Variants in NPR3 observed in about 807,000 individuals in gnomAD.
NPR3 encodes natriuretic peptide receptor 3.
Under a neutral mutation model 54.5 loss-of-function variants are expected in NPR3, and 34 were observed. That is an observed-to-expected ratio of 0.62 (90% CI 0.47 to 0.83). The LOEUF is 0.83. Ranked by LOEUF, NPR3 falls within the 40% of genes least tolerant of loss-of-function variation. The pLI is 0.00. For synonymous variants in NPR3, 289 were observed against 297.1 expected, an observed-to-expected ratio of 0.97 and a Z score of 0.28; for missense variants, 674 against 720.8, an observed-to-expected ratio of 0.94 and a Z score of 0.74.
chr5:32,739,519 T>G (rs1259673639), intron 3 of NPR3, among the ~76,000 whole-genome samples: 3 of 152,192 alleles, frequency 2.0e-5, no homozygotes, highest in East Asian at 1.9e-4. Flanking sequence ...GTGGATGGTG[T>G]TGTTGCCTCT....
At chr5:32,781,963 C>T (rs1054328373) in intron 5 of NPR3, among the ~76,000 whole-genome samples, 6 of 152,144 alleles carry the variant, frequency 3.9e-5, no homozygotes, top group Middle Eastern at 3.2e-3. Context: ...GAGAGCCATG[C>T]GCTTGTTTTC....
chr5:32,756,319 A>C (rs1260298105), intron 3 of NPR3, among the ~76,000 whole-genome samples: 3 of 152,058 alleles, frequency 2.0e-5, no homozygotes, highest in Non-Finnish European at 2.9e-5. Flanking sequence ...ATGGTATCTC[A>C]TTGTGGTTTT....
At chr5:32,738,479 C>G (rs1231680884) in intron 2 of NPR3, among the ~76,000 whole-genome samples, 1 of 152,158 alleles carries the variant, frequency 6.6e-6, no homozygotes, top group Non-Finnish European at 1.5e-5. Flanking sequence ...ACACTAGCCA[C>G]TTGATTCACC....
At position 32,790,290 on chromosome 5, in the gene NPR3, C is replaced by G. The variant is rs1238830221; in HGVS notation, c.*3945C>G. The G allele has an allele frequency of 6.3e-6, 1 of 157,962 alleles. No individual in the cohort carries two copies. The highest frequency in any genetic ancestry group is 1.4e-5 in the Non-Finnish European group (1 of 69,910). 9.8% of individuals were successfully genotyped at this position (157,962 alleles called of 1,614,324 possible). On this transcript the variant is annotated 3_prime_UTR_variant, in exon 8 of 8. Coordinates refer to ENST00000265074, the MANE Select transcript of NPR3 (RefSeq NM_001204375.2). Reference sequence around the variant, plus strand: ...CAAGAAGAATCAGAAGCTTGATCCTCTAACAGAAATAGAAGAGGGTAGCTT... The same window carrying G: ...CAAGAAGAATCAGAAGCTTGATCCTGTAACAGAAATAGAAGAGGGTAGCTT...
At chr5:32,735,040 G>T (rs1232226392) in intron 2 of NPR3, among the ~76,000 whole-genome samples, 4 of 152,046 alleles carry the variant, frequency 2.6e-5, no homozygotes, top group Non-Finnish European at 5.9e-5. Context: ...TTTCTGCACT[G>T]TATTTCATGT....
intron 1 of NPR3, 145 bp downstream of exon 1, chr5:32,712,690 G>A: frequency 2.7e-6 from 2 of 736,434 alleles, no homozygotes; most frequent in African/African-American, 1.8e-5. Flanking sequence ...GGTATGCGCC[G>A]TGTGGCTGCG....
upstream of NPR3, chr5:32,710,859 G>GGTTTTTTTTTTTTTTTTT: frequency 1.0e-6 from 1 of 976,160 alleles, no homozygotes; most frequent in Non-Finnish European, 1.4e-6. Context: ...CCCAGTCCTG[G>GGTTTTTTTTTTTTTTTTT]TTTTTTTTTT....
At chr5:32,739,288 A>C (rs1423803628) in intron 3 of NPR3, among the ~76,000 whole-genome samples, 1 of 151,918 alleles carries the variant, frequency 6.6e-6, no homozygotes. Flanking sequence ...CAGGAAGGAC[A>C]GACAATTGCT....
intron 1 of NPR3, among the ~76,000 whole-genome samples, chr5:32,693,560 T>A (rs766069904): frequency 5.3e-5 from 8 of 152,234 alleles, no homozygotes; most frequent in Non-Finnish European, 8.8e-5. Flanking sequence ...TTTTTGAAAT[T>A]TGGTATATTT....
At chr5:32,713,852 A>G (rs1260693685) in intron 1 of NPR3, among the ~76,000 whole-genome samples, 1 of 152,262 alleles carries the variant, frequency 6.6e-6, no homozygotes, top group Non-Finnish European at 1.5e-5. Context: ...GGTGTTTGAC[A>G]GTGGGAATGC....
intron 3 of NPR3, among the ~76,000 whole-genome samples, chr5:32,758,150 T>C (rs1740949847): frequency 6.6e-6 from 1 of 152,198 alleles, no homozygotes; most frequent in African/African-American, 2.4e-5. Context: ...TCTTTTTCTA[T>C]TGATTGGAAT....
intron 3 of NPR3, among the ~76,000 whole-genome samples, chr5:32,752,274 A>G (rs981524234): frequency 2.0e-5 from 3 of 152,154 alleles, no homozygotes; most frequent in Non-Finnish European, 4.4e-5. Context: ...GGATTTTGAT[A>G]CTAGTTTTGC....
At chr5:32,699,004 T>C (rs1295979404) in intron 1 of NPR3, among the ~76,000 whole-genome samples, 1 of 152,148 alleles carries the variant, frequency 6.6e-6, no homozygotes, top group Non-Finnish European at 1.5e-5. Context: ...ACTTAACTCC[T>C]GCCAGTTTGT....
At chr5:32,760,203 T>C (rs545535801) in intron 3 of NPR3, among the ~76,000 whole-genome samples, 16 of 152,120 alleles carry the variant, frequency 1.1e-4, no homozygotes, top group Non-Finnish European at 1.6e-4. Context: ...TGCGGACCCA[T>C]GCTTTCATTT....
chr5:32,693,145 T>G (rs1000999418), intron 1 of NPR3, among the ~76,000 whole-genome samples: 1 of 152,080 alleles, frequency 6.6e-6, no homozygotes, highest in African/African-American at 2.4e-5. Flanking sequence ...ATCTTTGATC[T>G]CTTATATTGT....
chr5:32,712,193 A>G lies in NPR3; in HGVS notation c.417A>G (p.Ala139=), dbSNP rs754276633. The change falls in exon 1 of 8, where the codon GCA becomes GCG. Residue 139 remains alanine (A), a synonymous_variant. Coordinates refer to ENST00000265074, the MANE Select transcript of NPR3 (RefSeq NM_001204375.2). ...TCCTGGGGCCAGTGTGCGAGTATGC[A>G]GCAGCGCCAGTGGCCCGGCTTGCAT... ...DLILGPVCEY[A]AAPVARLASH... is the part of the protein sequence containing the mutation. 1.2e-6 allele frequency: 2 copies of G among 1,612,792 alleles called. No homozygotes were observed. The highest frequency in any genetic ancestry group is 1.7e-6 in the Non-Finnish European group (2 of 1,179,686).
chr5:32,703,925 C>T (rs1336622443), intron 1 of NPR3, among the ~76,000 whole-genome samples: 2 of 152,228 alleles, frequency 1.3e-5, no homozygotes, highest in African/African-American at 2.4e-5. Context: ...AGCACCAGGA[C>T]TTGCCCACAA....
intron 2 of NPR3, among the ~76,000 whole-genome samples, chr5:32,732,105 G>A (rs920949142): frequency 3.3e-5 from 5 of 151,772 alleles, no homozygotes; most frequent in Non-Finnish European, 7.4e-5. Context: ...GCCGGGCACG[G>A]TGGCGGGCGC....
At chr5:32,725,853 C>T (rs1039509485) in intron 2 of NPR3, among the ~76,000 whole-genome samples, 16 of 152,174 alleles carry the variant, frequency 1.1e-4, no homozygotes, top group African/African-American at 3.9e-4. Flanking sequence ...CCTCTTTCTT[C>T]CAGATTACTG....
Sources: allele counts gnomAD v4.1 joint callset (sites outside exome capture counted in the v4.1 genomes callset), GRCh38; gene constraint gnomAD v4.1.1; transcripts MANE v1.5; gene names NCBI Gene and HGNC (gene_info 2026-07-23, HGNC 2026-07-21).